Variants in LGI2 observed in about 807,000 individuals in gnomAD.
LGI2 encodes the protein leucine rich repeat LGI family member 2, also known as leucine-rich repeat LGI family member 2.
In LGI2, 30 loss-of-function variants were observed where a neutral mutation model predicts 52.0. The observed-to-expected ratio is 0.58, with a 90% CI of 0.43 to 0.78. The LOEUF is 0.78. Among genes scored for constraint, LGI2 ranks in the 30% least tolerant of loss-of-function variants. The probability of loss-of-function intolerance (pLI) is 0.00; values close to 1 mark genes in which losing one functional copy is unlikely to be tolerated. For synonymous variants in LGI2, 270 were observed against 271.8 expected (o/e 0.99, Z 0.06); for missense variants, 573 against 692.5 (o/e 0.83, Z 1.94).
At position 25,003,904 on chromosome 4, in the gene LGI2, G is replaced by T; in HGVS notation, c.1185C>A (p.Val395=). The stretch of plus-strand genomic sequence containing the variant: ...TTTTATTCCACTGGAGGATGATGGG[G>T]ACCTGGGAGCGGCTGGACAGGATGA... ...SHLILSSRSQ[V]PIILQWNKSS... Residue 395 remains valine (V), a synonymous_variant, in exon 8 of 8, where the codon GTC becomes GTA. Transcript: ENST00000382114. 6.2e-7 allele frequency: 1 copy of T among 1,614,190 alleles called. No individual in the cohort carries two copies. The highest frequency in any genetic ancestry group is 1.3e-5 in the African/African-American group (1 of 75,048).
intron 4 of LGI2, among the ~76,000 whole-genome samples, chr4:25,023,318 G>C (rs773503374): frequency 6.6e-5 from 10 of 152,182 alleles, no homozygotes; most frequent in Non-Finnish European, 1.2e-4. Context: ...CACAATTGTA[G>C]TCTCTACAGG....
chr4:25,027,038 A>G, intron 2 of LGI2, 99 bp from the exon 3 acceptor site: 2 of 928,938 alleles, frequency 2.2e-6, no homozygotes, highest in Middle Eastern at 4.9e-4. Flanking sequence ...CTGTGGGCAA[A>G]CATGAGCTCT....
In LGI2 at chr4:25,003,356, G is replaced by T; in HGVS notation, c.*95C>A. The stretch of plus-strand genomic sequence containing the variant: ...TATTTCAGTGCTTTTTAATTTCAGA[G>T]CTCTGAGCCTGGCTTTGATTTGTTT... On this transcript the variant is annotated 3_prime_UTR_variant, in exon 8 of 8. Coordinates refer to ENST00000382114, the MANE Select transcript of LGI2 (RefSeq NM_018176.4). 1 of 869,630 alleles carries T rather than the reference G, an allele frequency of 1.1e-6. No individual in the cohort carries two copies. The highest frequency in any genetic ancestry group is 1.7e-6 in the Non-Finnish European group (1 of 572,006). The allele number at this position is 869,630 out of a possible 1,614,324, so 53.9% of individuals were successfully genotyped here. A position where few individuals can be genotyped will look rare whatever the true frequency, so the allele number is the denominator to read the frequency against.
At chr4:25,007,605 G>A (rs1725434834) in intron 7 of LGI2, among the ~76,000 whole-genome samples, 1 of 151,652 alleles carries the variant, frequency 6.6e-6, no homozygotes, top group Admixed American at 6.6e-5. Context: ...GTGTGTGTGT[G>A]TGTGTGTGTG....
rs143047093 is a variant in LGI2 at position 25,028,323 on chromosome 4, T to C, written c.269+184A>G. On this transcript the variant is annotated intron_variant, in intron 2 of 7. Transcript: ENST00000382114. Reference sequence around the variant, plus strand: ...ACAGGTATCGAACTAAGGAAAGAGCTGAGCAGGGAGCCTCAGTGCTTTGCT... The same window carrying C: ...ACAGGTATCGAACTAAGGAAAGAGCCGAGCAGGGAGCCTCAGTGCTTTGCT... Among the ~76,000 whole-genome samples the C allele has an allele frequency of 8.5e-4, 130 of 152,276 alleles. 1 individual carries two copies. The East Asian group carries it at 0.022, about 26-fold the overall frequency.
Position 25,000,599 on chromosome 4 carries a change from T to C in LGI2, c.*2852A>G, listed in dbSNP as rs927948457. The C allele has an allele frequency of 2.6e-5, 4 of 152,262 alleles. No homozygotes were observed. Among genetic ancestry groups the C allele is most frequent in the African/African-American group, 7.2e-5 (3 of 41,460 alleles). The allele number at this position is 152,262 out of a possible 1,614,324, so 9.4% of individuals were successfully genotyped here. A position where few individuals can be genotyped will look rare whatever the true frequency, so the allele number is the denominator to read the frequency against. ...CCATGGAGTATGGGGACAAGCCCCC[T>C]TTAAGGAAAGGCCTTAAAGCCACAT... On this transcript the variant is annotated 3_prime_UTR_variant, in exon 8 of 8. Coordinates refer to ENST00000382114, the MANE Select transcript of LGI2 (RefSeq NM_018176.4).
Position 25,030,623 on chromosome 4 carries a change from A to T in LGI2, c.71T>A (p.Ile24Lys). ...CCGCCTCACCTGCGCGCTCCGCGGT[A>T]TCAGGCACGCGGCGCCCAGCAGCAG... Reference protein sequence around the residue: ...LLLLLGAACLIPRSAQVRRLA... With the variant: ...LLLLLGAACLKPRSAQVRRLA... The change falls in exon 1 of 8, where the codon ATA (isoleucine) becomes AAA (lysine). Residue 24 changes from isoleucine to lysine, a missense_variant. Coordinates refer to ENST00000382114, the MANE Select transcript of LGI2 (RefSeq NM_018176.4). The T allele has an allele frequency of 6.4e-7, 1 of 1,555,134 alleles. No individual in the cohort carries two copies. The highest frequency in any genetic ancestry group is 1.2e-5 in the South Asian group (1 of 84,508).
chr4:25,026,800 C>T (rs755046734), intron 3 of LGI2, 68 bp downstream of exon 3: 3 of 1,277,488 alleles, frequency 2.3e-6, no homozygotes, highest in Admixed American at 3.4e-5. Flanking sequence ...TGTTCCAGCA[C>T]AGAAACCAAT....
chr4:25,003,476 T>A lies in LGI2; in HGVS notation c.1613A>T (p.His538Leu), dbSNP rs1295418451. 6.3e-7 allele frequency: 1 copy of A among 1,595,014 alleles called. No homozygotes were observed. Among genetic ancestry groups the A allele is most frequent in the African/African-American group, 1.4e-5 (1 of 73,376 alleles). The change falls in exon 8 of 8, where the codon CAT becomes CTT. Residue 538 changes from histidine (H) to leucine (L), a missense_variant. Transcript: ENST00000382114. Reference sequence around the variant, plus strand: ...TCACAAACTTAAGTCAACAATTATATGTTCAAAAATCTTTGTTTTCCCTTT... The same window carrying A: ...TCACAAACTTAAGTCAACAATTATAAGTTCAAAAATCTTTGTTTTCCCTTT... ...SFKGKTKIFE[H>L]IIVDLSL
chr4:25,009,050 G>C (rs1490272974), intron 7 of LGI2, among the ~76,000 whole-genome samples: 1 of 152,174 alleles, frequency 6.6e-6, no homozygotes, highest in Non-Finnish European at 1.5e-5. Context: ...CACTCTAAAA[G>C]ACTATGTTTG....
chr4:25,004,888 C>G lies in LGI2; in HGVS notation c.821-620G>C, dbSNP rs1188648559. Reference sequence around the variant, plus strand: ...ACAATAGCCGAAAGGTGGAAGCAACCCAAGTTGCTTCAATGGACAAATAGA... The same window carrying G: ...ACAATAGCCGAAAGGTGGAAGCAACGCAAGTTGCTTCAATGGACAAATAGA... On this transcript the variant is annotated intron_variant, in intron 7 of 7. Transcript: ENST00000382114. This position sits in a 1 kb window ranked among gnomAD's most constrained non-coding sequence, Gnocchi z 4.6. 2.0e-5 allele frequency among the ~76,000 whole-genome samples: 3 copies of G among 152,092 alleles called. No homozygotes were observed. Among genetic ancestry groups the G allele is most frequent in the Non-Finnish European group, 4.4e-5 (3 of 68,030 alleles).
At chr4:24,995,898 T>G (rs1725061944), downstream of LGI2, among the ~76,000 whole-genome samples, 1 of 152,206 alleles carries the variant, frequency 6.6e-6, no homozygotes, top group Admixed American at 6.5e-5. Flanking sequence ...TTTCTCTCTA[T>G]TGTCTGCCCA....
chr4:25,007,263 A>G (rs1188972303), intron 7 of LGI2, among the ~76,000 whole-genome samples: 2 of 152,180 alleles, frequency 1.3e-5, no homozygotes, highest in African/African-American at 4.8e-5. Context: ...TAACGTTTTG[A>G]TACCATCTGG....
chr4:25,011,863 T>C (rs1309087020), intron 7 of LGI2, among the ~76,000 whole-genome samples: 1 of 152,170 alleles, frequency 6.6e-6, no homozygotes, highest in African/African-American at 2.4e-5. Context: ...CGTATGTACT[T>C]ACTAAAAGAA....
chr4:25,027,016 C>G, intron 2 of LGI2, 77 bp from the exon 3 acceptor site: 1 of 1,159,764 alleles, frequency 8.6e-7, no homozygotes, highest in East Asian at 2.4e-5. Context: ...CTTTCCTTTG[C>G]TACGTTTTGA....
At chr4:24,996,723 C>A (rs1016979394), downstream of LGI2, among the ~76,000 whole-genome samples, 2 of 152,194 alleles carry the variant, frequency 1.3e-5, no homozygotes, top group African/African-American at 2.4e-5. Context: ...TGGAGGTGCT[C>A]ATCAGGACCC....
At position 25,019,179 on chromosome 4, in the gene LGI2, G is replaced by C. The variant is rs367853394; in HGVS notation, c.473C>G (p.Ser158Cys). 1.2e-5 allele frequency: 19 copies of C among 1,599,728 alleles called. No homozygotes were observed. The highest frequency in any genetic ancestry group is 1.6e-5 in the Non-Finnish European group (19 of 1,169,228). ...LPRDVFSDLD[S>C]LIELDLRGNK... ...TTTCATTACTTACAGTTCAATCAGA[G>C]AGTCTAAATCACTGAAGACATCCCT... Residue 158 changes from serine to cysteine, a missense_variant, in exon 5 of 8, where the codon TCT becomes TGT. Ser to Cys is a moderately radical substitution (Grantham distance 112). Coordinates refer to ENST00000382114, the MANE Select transcript of LGI2 (RefSeq NM_018176.4).
In LGI2 at chr4:25,028,668, C is replaced by G. The variant is rs1474690717; in HGVS notation, c.198-90G>C. 24 of 1,067,702 alleles carry G rather than the reference C, an allele frequency of 2.2e-5. No homozygotes were observed. In the Admixed American group the frequency reaches 4.8e-4, roughly 21 times the overall value. The allele number at this position is 1,067,702 out of a possible 1,614,324, so 66.1% of individuals were successfully genotyped here. On this transcript the variant is annotated intron_variant, in intron 1 of 7. Coordinates refer to ENST00000382114, the MANE Select transcript of LGI2 (RefSeq NM_018176.4). ...TAATCAAACTCTGCCTCCACCTGTA[C>G]TTCAAACCCTGACTCTCAGGAGTGA...
Position 25,003,733 on chromosome 4 carries a change from C to T in LGI2, c.1356G>A (p.Gln452=), listed in dbSNP as rs1350308311. The change falls in exon 8 of 8, where the codon CAG becomes CAA. Residue 452 remains glutamine (Q), a synonymous_variant. Transcript: ENST00000382114. ...DSRVMRWNSK[Q]FVEIQALPSR... is the part of the protein sequence containing the mutation. ...ATGGAAGAGCTTGGATCTCCACAAA[C>T]TGCTTACTGTTCCACCTCATGACCC... 6.2e-7 allele frequency: 1 copy of T among 1,614,200 alleles called. No individual in the cohort carries two copies. The highest frequency in any genetic ancestry group is 1.7e-5 in the Admixed American group (1 of 60,032).
Sources: gnomAD v4.1 joint callset for allele counts (sites outside exome capture counted in the v4.1 genomes callset) on GRCh38, gnomAD v4.1.1 for gene constraint, Gnocchi (gnomAD v3.1) non-coding constraint, MANE v1.5 for transcripts, NCBI Gene and HGNC (gene_info 2026-07-23, HGNC 2026-07-21) for gene names.